Variants in GALNT13 observed in about 807,000 individuals in gnomAD.
The protein encoded by GALNT13 is polypeptide N-acetylgalactosaminyltransferase 13, also known as UDP-GalNAc:polypeptide N-acetylgalactosaminyltransferase 13.
GALNT13 carries 28 observed loss-of-function variants against 64.2 expected under a neutral mutation model. That is an observed-to-expected ratio of 0.44 (90% confidence interval 0.32 to 0.60). GALNT13 has a LOEUF of 0.60. GALNT13 is among the 20% of genes least tolerant of loss of function. The pLI is 0.05. For synonymous variants in GALNT13, 214 were observed against 224.6 expected (o/e 0.95, Z 0.42); for missense variants, 577 against 669.8 (o/e 0.86, Z 1.53).
chr2:153,520,405 A>G, the GALNT13 span, among the ~76,000 whole-genome samples: 1 of 152,156 alleles, frequency 6.6e-6, no homozygotes, highest in Non-Finnish European at 1.5e-5. Flanking sequence ...AAGAACACAG[A>G]TATCTTTTCA....
intron 3 of GALNT13, among the ~76,000 whole-genome samples, chr2:154,010,946 G>A (rs761113836): frequency 6.6e-6 from 1 of 151,614 alleles, no homozygotes; most frequent in South Asian, 2.1e-4. Flanking sequence ...CAGTGATAAT[G>A]TCCCCTATGT....
chr2:153,208,239 A>T, the GALNT13 span: 1 of 152,186 alleles, frequency 6.6e-6, no homozygotes, highest in African/African-American at 2.4e-5. Flanking sequence ...AGAGTATATA[A>T]TCACCACCAA....
chr2:153,730,211 C>T, the GALNT13 span, among the ~76,000 whole-genome samples: 1 of 151,828 alleles, frequency 6.6e-6, no homozygotes, highest in East Asian at 1.9e-4. Context: ...GACTATAGTA[C>T]CGAAAGAGCA....
chr2:153,964,027 A>G (rs1427144282), intron 3 of GALNT13, among the ~76,000 whole-genome samples: 1 of 151,988 alleles, frequency 6.6e-6, no homozygotes, highest in Non-Finnish European at 1.5e-5. Flanking sequence ...TTAAGATTTG[A>G]TTTAATTTTG....
intron 4 of GALNT13, among the ~76,000 whole-genome samples, chr2:154,226,433 C>A (rs1688622403): frequency 6.6e-6 from 1 of 151,956 alleles, no homozygotes; most frequent in Admixed American, 6.6e-5. Context: ...CTCTTCCTCC[C>A]AAAATGATGT....
chr2:153,381,467 G>C, the GALNT13 span, among the ~76,000 whole-genome samples: 1 of 151,818 alleles, frequency 6.6e-6, no homozygotes, highest in African/African-American at 2.4e-5. Flanking sequence ...CCAGACAGAG[G>C]GAGCAAGAAA....
chr2:153,757,821 A>C, the GALNT13 span, among the ~76,000 whole-genome samples: 1 of 152,124 alleles, frequency 6.6e-6, no homozygotes, highest in Non-Finnish European at 1.5e-5. Context: ...CCCATTTTTT[A>C]AATCAGGTTA....
the GALNT13 span, among the ~76,000 whole-genome samples, chr2:153,292,924 A>C: frequency 2.0e-4 from 30 of 152,228 alleles, no homozygotes; most frequent in African/African-American, 7.2e-4. Flanking sequence ...TACCACCTAC[A>C]TATTTTTTAT....
chr2:153,808,707 T>A, the GALNT13 span, among the ~76,000 whole-genome samples: 3 of 152,226 alleles, frequency 2.0e-5, no homozygotes, highest in Admixed American at 6.5e-5. Flanking sequence ...TTTGCCCACA[T>A]TGAAACATCC....
the GALNT13 span, among the ~76,000 whole-genome samples, chr2:153,400,871 A>C: frequency 1.3e-5 from 2 of 152,048 alleles, no homozygotes; most frequent in South Asian, 2.1e-4. Context: ...CCTTTCAAAA[A>C]ACCAGCTCCT....
chr2:154,053,344 C>G (rs1699740243), intron 3 of GALNT13, among the ~76,000 whole-genome samples: 1 of 151,958 alleles, frequency 6.6e-6, no homozygotes, highest in Admixed American at 6.6e-5. Context: ...ATAAAGCCTC[C>G]TTTCATCCTT....
chr2:153,207,118 T>C, the GALNT13 span, among the ~76,000 whole-genome samples: 1 of 152,132 alleles, frequency 6.6e-6, no homozygotes, highest in Non-Finnish European at 1.5e-5. Flanking sequence ...TCATAGTTTA[T>C]TATTTGAATC....
chr2:153,386,778 A>T, the GALNT13 span, among the ~76,000 whole-genome samples: 10 of 152,056 alleles, frequency 6.6e-5, no homozygotes, highest in Non-Finnish European at 1.3e-4. Flanking sequence ...CCCCAAAAGG[A>T]TCACTGGCCA....
chr2:153,271,453 A>G, the GALNT13 span, among the ~76,000 whole-genome samples: 1 of 152,340 alleles, frequency 6.6e-6, no homozygotes, highest in East Asian at 1.9e-4. Context: ...TGCAAAAATC[A>G]CAAGCATTCC....
At chr2:153,730,725 A>G in the GALNT13 span, among the ~76,000 whole-genome samples, 1 of 151,808 alleles carries the variant, frequency 6.6e-6, no homozygotes, top group Admixed American at 6.6e-5. Context: ...CCCATTAAAA[A>G]GTTGGCAAAA....
chr2:154,429,425 T>C (rs1363654746), intron 11 of GALNT13, among the ~76,000 whole-genome samples: 1 of 152,222 alleles, frequency 6.6e-6, no homozygotes, highest in Non-Finnish European at 1.5e-5. Context: ...AAACAAGCTA[T>C]GAAATGCCTT....
intron 2 of GALNT13, among the ~76,000 whole-genome samples, chr2:153,913,870 C>T (rs1208107204): frequency 1.3e-5 from 2 of 152,076 alleles, no homozygotes; most frequent in African/African-American, 4.8e-5. Flanking sequence ...TGTTCTGGTC[C>T]CTTGGAGGGA....
rs530045795 is a variant in GALNT13 at position 153,888,099 on chromosome 2, T to G, written c.-176-12837T>G. ...ATTCCACTTCTCTTTTCTTATCAAG[T>G]GAGGAGAATATGTTTTGAGCACTGG... On this transcript the variant is annotated intron_variant, in intron 1 of 12. Coordinates refer to ENST00000392825, the MANE Select transcript of GALNT13 (RefSeq NM_052917.4). Among the ~76,000 whole-genome samples, 881 of 152,114 alleles carry G rather than the reference T, an allele frequency of 5.8e-3. 9 individuals are homozygous for G. The highest frequency in any genetic ancestry group is 0.02 in the African/African-American group (848 of 41,532).
At chr2:153,234,663 C>CT in the GALNT13 span, among the ~76,000 whole-genome samples, 1 of 152,144 alleles carries the variant, frequency 6.6e-6, no homozygotes, top group African/African-American at 2.4e-5. Flanking sequence ...ATCTGTCTGC[C>CT]TCCAAAGCAT....
Sources: gnomAD v4.1 joint callset for allele counts (sites outside exome capture counted in the v4.1 genomes callset) on GRCh38, gnomAD v4.1.1 for gene constraint, MANE v1.5 for transcripts, NCBI Gene and HGNC (gene_info 2026-07-23, HGNC 2026-07-21) for gene names.